The following FHIT variants were observed in gnomAD, a reference collection of about 807,000 sequenced individuals.
The protein encoded by FHIT is bis(5'-adenosyl)-triphosphatase.
Under a neutral mutation model 17.9 loss-of-function variants are expected in FHIT, and 19 were observed. That is an observed-to-expected ratio of 1.06 (90% confidence interval 0.74 to 1.56). The LOEUF (loss-of-function observed/expected upper bound fraction) is 1.56, where lower values mean the gene tolerates loss of function less well. FHIT is among the 40% of genes most tolerant of loss of function. The pLI, the probability that FHIT is intolerant of heterozygous loss-of-function variation, is 0.00. For synonymous variants in FHIT, 81 were observed against 69.7 expected, an observed-to-expected ratio of 1.16 and a Z score of -0.81; for missense variants, 248 against 189.2, an observed-to-expected ratio of 1.31 and a Z score of -1.82.
chr3:60,007,177 A>G (rs1035665733), intron 7 of FHIT, among the ~76,000 whole-genome samples: 2 of 152,154 alleles, frequency 1.3e-5, no homozygotes, highest in Admixed American at 6.6e-5. Context: ...CCACCCAAAG[A>G]TGAACATACC....
intron 4 of FHIT, chr3:60,616,888 AACTTTC>A (rs2038967073): frequency 6.5e-6 from 1 of 153,036 alleles, no homozygotes; most frequent in Admixed American, 6.5e-5. Flanking sequence ...GGTATATGAG[AACTTTC>A]ACTTTAATTC....
At chr3:60,278,537 T>G (rs213358) in intron 5 of FHIT, among the ~76,000 whole-genome samples, 135,525 of 152,036 alleles carry the variant, frequency 0.89, 60,634 homozygotes, top group East Asian at 1. Flanking sequence ...CGTGAAGAGG[T>G]CTTTGGTGAT....
At chr3:59,951,157 G>A (rs758314342) in intron 7 of FHIT, among the ~76,000 whole-genome samples, 13 of 152,308 alleles carry the variant, frequency 8.5e-5, no homozygotes, top group Non-Finnish European at 1.3e-4. Flanking sequence ...TTTTCCAGAG[G>A]AGAGGTGGTA....
chr3:60,165,333 T>C (rs1430277018), intron 5 of FHIT, among the ~76,000 whole-genome samples: 2 of 152,206 alleles, frequency 1.3e-5, no homozygotes, highest in African/African-American at 4.8e-5. Flanking sequence ...GAATGTTTTG[T>C]AGGCTTAAAT....
At chr3:60,116,113 T>C (rs576224965) in intron 5 of FHIT, among the ~76,000 whole-genome samples, 231 of 152,294 alleles carry the variant, frequency 1.5e-3, no homozygotes, top group African/African-American at 5.2e-3. Context: ...TAGACTAGTG[T>C]ACTATGCTAA....
chr3:60,386,375 G>A (rs1212174105), intron 5 of FHIT, among the ~76,000 whole-genome samples: 2 of 152,164 alleles, frequency 1.3e-5, no homozygotes, highest in African/African-American at 4.8e-5. Flanking sequence ...AGAACAACAT[G>A]AAACAATTCA....
chr3:61,241,013 G>A (rs1576283451), intron 1 of FHIT, among the ~76,000 whole-genome samples: 1 of 152,130 alleles, frequency 6.6e-6, no homozygotes, highest in African/African-American at 2.4e-5. Context: ...GTGAAAATCA[G>A]ACCTGCCACT....
rs1559778018 is a variant in FHIT, at chr3:60,860,142, C to CTGAT, written c.-110-38132_-110-38131insATCA. Among the ~76,000 whole-genome samples, 8 of 81,004 alleles carry CTGAT rather than the reference C, an allele frequency of 9.9e-5. 1 individual carries two copies. Among genetic ancestry groups the CTGAT allele is most frequent in the African/African-American group, 4.7e-4 (8 of 17,078 alleles). The allele number at this position is 81,004 out of a possible 152,430, so 53.1% of individuals were successfully genotyped here. On this transcript the variant is annotated intron_variant, in intron 3 of 9. Coordinates refer to ENST00000492590, the MANE Select transcript of FHIT (RefSeq NM_002012.4). ...ATAAATGATATATCTGATATATATA[C>CTGAT]ATATGGTATATATGATATACATCAT...
chr3:60,522,292 G>A (rs2035401557), intron 5 of FHIT, among the ~76,000 whole-genome samples: 1 of 152,014 alleles, frequency 6.6e-6, no homozygotes, highest in Admixed American at 6.6e-5. Flanking sequence ...TGCATTTTTA[G>A]TAGATACAGG....
chr3:60,822,313 A>C (rs1218995820), intron 3 of FHIT, among the ~76,000 whole-genome samples: 2 of 152,108 alleles, frequency 1.3e-5, no homozygotes, highest in Non-Finnish European at 2.9e-5. Flanking sequence ...ACATCATCTG[A>C]TCCTCCTCAA....
chr3:59,747,309 G>A lies in FHIT; in HGVS notation c.*2276C>T, dbSNP rs965157666. ...TAAAGGAATGAGGTTTAATGGACTCGCAATCATGGAGGAAGGCAAAAGAGG... is the reference window on the plus strand; with the variant it reads ...TAAAGGAATGAGGTTTAATGGACTCACAATCATGGAGGAAGGCAAAAGAGG... On this transcript the variant is annotated 3_prime_UTR_variant, in exon 10 of 10. Transcript: ENST00000492590. 6.6e-5 allele frequency among the ~76,000 whole-genome samples: 10 copies of A among 152,102 alleles called. No individual in the cohort carries two copies. Among genetic ancestry groups the A allele is most frequent in the African/African-American group, 1.9e-4 (8 of 41,418 alleles).
At chr3:60,360,181 T>C (rs1699848997) in intron 5 of FHIT, among the ~76,000 whole-genome samples, 1 of 151,918 alleles carries the variant, frequency 6.6e-6, no homozygotes, top group South Asian at 2.1e-4. Flanking sequence ...ACTTAACAAT[T>C]AATCAAACTA....
At chr3:60,057,585 G>C (rs957062419) in intron 5 of FHIT, among the ~76,000 whole-genome samples, 2 of 152,036 alleles carry the variant, frequency 1.3e-5, no homozygotes. Context: ...TAATCCCATA[G>C]ATAGTTTTTT....
chr3:60,301,257 A>G (rs1032928570), intron 5 of FHIT, among the ~76,000 whole-genome samples: 2 of 152,164 alleles, frequency 1.3e-5, no homozygotes. Flanking sequence ...GCATTGCTTC[A>G]TAAGGTCAAG....
chr3:61,167,628 CAAA>C lies in FHIT; in HGVS notation c.-164+32986_-164+32988del, dbSNP rs34229498. ...TGGGCAGCAGAGTGAAACTGTGTCT[CAAA>C]AAAAAAAAAAAAAAAGAAAGAAAAG... On this transcript the variant is annotated intron_variant, in intron 2 of 9. Transcript: ENST00000492590. 1.2e-3 allele frequency among the ~76,000 whole-genome samples: 117 copies of C among 98,930 alleles called. No homozygotes were observed. The Middle Eastern group carries it at 0.015, about 13-fold the overall frequency. The allele number at this position is 98,930 out of a possible 152,430, so 64.9% of individuals were successfully genotyped here. A position where few individuals can be genotyped will look rare whatever the true frequency, so the allele number is the denominator to read the frequency against.
intron 5 of FHIT, among the ~76,000 whole-genome samples, chr3:60,120,038 C>A (rs535196835): frequency 6.6e-5 from 10 of 152,300 alleles, no homozygotes; most frequent in East Asian, 3.9e-4. Context: ...CTGAAGCTTA[C>A]GGCACTGTTA....
chr3:60,472,042 T>C (rs757047599), intron 5 of FHIT, among the ~76,000 whole-genome samples: 1 of 152,164 alleles, frequency 6.6e-6, no homozygotes, highest in African/African-American at 2.4e-5. Flanking sequence ...ATACTACCTA[T>C]TGGGTACAAT....
chr3:60,727,344 C>T (rs782175148), intron 4 of FHIT, among the ~76,000 whole-genome samples: 3 of 152,044 alleles, frequency 2.0e-5, no homozygotes, highest in Non-Finnish European at 4.4e-5. Flanking sequence ...TTCAGTGTAT[C>T]GAAATGTTAA....
intron 8 of FHIT, among the ~76,000 whole-genome samples, chr3:59,830,657 A>G (rs950489355): frequency 6.6e-6 from 1 of 152,240 alleles, no homozygotes; most frequent in Non-Finnish European, 1.5e-5. Context: ...ATTCAATGCA[A>G]TATCATAATT....
Sources: allele counts gnomAD v4.1 joint callset (sites outside exome capture counted in the v4.1 genomes callset), GRCh38; gene constraint gnomAD v4.1.1; transcripts MANE v1.5; gene names NCBI Gene and HGNC (gene_info 2026-07-23, HGNC 2026-07-21).